The following PDE10A variants were observed in gnomAD, a reference collection of about 807,000 sequenced individuals.
PDE10A encodes cAMP and cAMP-inhibited cGMP 3',5'-cyclic phosphodiesterase 10A.
Under a neutral mutation model 97.7 loss-of-function variants are expected in PDE10A, and 39 were observed. That is an observed-to-expected ratio of 0.40 (90% CI 0.31 to 0.52). PDE10A has a LOEUF of 0.52. Among genes scored for constraint, PDE10A ranks in the 20% least tolerant of loss-of-function variants. The probability of loss-of-function intolerance (pLI) is 0.56; values close to 1 mark genes in which losing one functional copy is unlikely to be tolerated. For missense variants in PDE10A, 731 were observed against 1,047.8 expected (o/e 0.70, Z 4.17); for synonymous variants, 371 against 376.8 (o/e 0.98, Z 0.18).
intron 1 of PDE10A, among the ~76,000 whole-genome samples, chr6:165,600,213 G>C (rs141094837): frequency 3.3e-5 from 5 of 152,172 alleles, no homozygotes; most frequent in Non-Finnish European, 7.4e-5. Flanking sequence ...AGACGCACTC[G>C]TTTTTCAGGG....
At chr6:165,417,648 C>T (rs1434845251) in intron 11 of PDE10A, among the ~76,000 whole-genome samples, 1 of 151,916 alleles carries the variant, frequency 6.6e-6, no homozygotes, top group Non-Finnish European at 1.5e-5. Context: ...AAAAAACCAA[C>T]AACAAACAGA....
intron 1 of PDE10A, among the ~76,000 whole-genome samples, chr6:165,866,357 G>T (rs1185466457): frequency 7.4e-6 from 1 of 135,592 alleles, no homozygotes; most frequent in Non-Finnish European, 1.6e-5. Context: ...GCACGTGTTG[G>T]TGTTGTCCTG....
chr6:165,472,798 T>C (rs1032339709), intron 3 of PDE10A, among the ~76,000 whole-genome samples: 1 of 152,140 alleles, frequency 6.6e-6, no homozygotes, highest in African/African-American at 2.4e-5. Context: ...GTATGTGTAT[T>C]TGCTTTAAAT....
chr6:165,529,693 A>C (rs1562552646), intron 2 of PDE10A, among the ~76,000 whole-genome samples: 1 of 152,188 alleles, frequency 6.6e-6, no homozygotes. Flanking sequence ...TACTGACTTC[A>C]TATCGGCATT....
At chr6:165,511,628 C>T (rs369659974) in intron 2 of PDE10A, among the ~76,000 whole-genome samples, 8 of 152,076 alleles carry the variant, frequency 5.3e-5, no homozygotes, top group South Asian at 2.1e-4. Context: ...AAATTCCCCA[C>T]TCTCATTGTA....
intron 1 of PDE10A, among the ~76,000 whole-genome samples, chr6:165,756,156 A>T (rs948637877): frequency 6.6e-6 from 1 of 152,246 alleles, no homozygotes; most frequent in Non-Finnish European, 1.5e-5. Context: ...AAATTATTTG[A>T]CAAAAAGGTA....
intron 1 of PDE10A, among the ~76,000 whole-genome samples, chr6:165,614,627 C>G (rs1405208925): frequency 6.6e-6 from 1 of 152,108 alleles, no homozygotes; most frequent in Non-Finnish European, 1.5e-5. Flanking sequence ...ATTAAGTGTT[C>G]TCATTGTATC....
At chr6:165,485,311 A>G (rs899589336) in intron 2 of PDE10A, among the ~76,000 whole-genome samples, 1 of 151,900 alleles carries the variant, frequency 6.6e-6, no homozygotes, top group African/African-American at 2.4e-5. Flanking sequence ...TACTAAAAAT[A>G]CAAAAAATTA....
upstream of PDE10A, among the ~76,000 whole-genome samples, chr6:165,667,314 A>G (rs1368005187): frequency 6.6e-6 from 1 of 152,146 alleles, no homozygotes; most frequent in African/African-American, 2.4e-5. Context: ...CAAGCAGTAT[A>G]CCCTGAACCC....
intron 1 of PDE10A, among the ~76,000 whole-genome samples, chr6:165,741,288 T>C (rs1216733537): frequency 6.6e-6 from 1 of 152,084 alleles, no homozygotes; most frequent in Non-Finnish European, 1.5e-5. Flanking sequence ...TGACAGAAAA[T>C]AAAGAAACTG....
rs754944144 is a variant in PDE10A, at chr6:165,435,390, A to C, written c.1195-13T>G. The C allele has an allele frequency of 1.6e-5, 26 of 1,609,876 alleles. No individual in the cohort carries two copies. Among genetic ancestry groups the C allele is most frequent in the Non-Finnish European group, 2.2e-5 (26 of 1,178,350 alleles). On this transcript the variant is annotated splice_polypyrimidine_tract_variant and intron_variant, in intron 5 of 21. Transcript: ENST00000539869. ...ATATACACAGGCTCTAGGGAGAAGA[A>C]AAGATGTTTTACAGACTTTCCTGTA... is the stretch of plus-strand genomic sequence containing the variant.
At chr6:165,969,023 A>G (rs1784595345) in intron 1 of PDE10A, among the ~76,000 whole-genome samples, 1 of 152,238 alleles carries the variant, frequency 6.6e-6, no homozygotes, top group Non-Finnish European at 1.5e-5. Context: ...GAAAAACAAA[A>G]GAAGCATTCC....
intron 1 of PDE10A, among the ~76,000 whole-genome samples, chr6:165,719,705 A>G (rs938644934): frequency 1.1e-4 from 17 of 152,236 alleles, no homozygotes; most frequent in African/African-American, 3.9e-4. Flanking sequence ...GGCATGCTTT[A>G]AAACATGTTT....
At chr6:165,788,655 T>C (rs1161096911) in intron 1 of PDE10A, among the ~76,000 whole-genome samples, 3 of 152,082 alleles carry the variant, frequency 2.0e-5, no homozygotes, top group Non-Finnish European at 1.5e-5. Flanking sequence ...CTGAAATTCA[T>C]CTCATTATCC....
At chr6:165,613,897 C>A (rs77141142) in intron 1 of PDE10A, among the ~76,000 whole-genome samples, 1 of 152,050 alleles carries the variant, frequency 6.6e-6, no homozygotes, top group South Asian at 2.1e-4. Context: ...CAAAACTGAA[C>A]ATCTCCCTCC....
chr6:165,482,657 G>T (rs998748319), intron 2 of PDE10A, among the ~76,000 whole-genome samples: 3 of 152,062 alleles, frequency 2.0e-5, no homozygotes, highest in African/African-American at 7.3e-5. Flanking sequence ...CCTAAAGTGG[G>T]GTTTATAACA....
intron 1 of PDE10A, among the ~76,000 whole-genome samples, chr6:165,595,002 T>A (rs1186198862): frequency 6.6e-6 from 1 of 152,214 alleles, no homozygotes; most frequent in Non-Finnish European, 1.5e-5. Flanking sequence ...GAAGTAACTT[T>A]GTCAAAGTCA....
chr6:165,983,045 A>C (rs964067529), intron 1 of PDE10A, among the ~76,000 whole-genome samples: 1 of 68,042 alleles, frequency 1.5e-5, no homozygotes, highest in African/African-American at 6.8e-5. Context: ...CACAAGAGGA[A>C]TGTATCCTAA....
At chr6:165,917,278 G>A (rs1296071189) in intron 1 of PDE10A, among the ~76,000 whole-genome samples, 1 of 151,862 alleles carries the variant, frequency 6.6e-6, no homozygotes, top group East Asian at 1.9e-4. Context: ...GGCCAGGGCT[G>A]AGCCACAGGC....
Sources: allele counts gnomAD v4.1 joint callset (sites outside exome capture counted in the v4.1 genomes callset), GRCh38; gene constraint gnomAD v4.1.1; transcripts MANE v1.5; gene names NCBI Gene and HGNC (gene_info 2026-07-23, HGNC 2026-07-21).